Variants in ATAD1 observed in about 807,000 individuals in gnomAD.
ATAD1 encodes the protein outer mitochondrial transmembrane helix translocase.
In ATAD1, 18 loss-of-function variants were observed where a neutral mutation model predicts 42.7. That is an observed-to-expected ratio of 0.42 (90% CI 0.29 to 0.63). The LOEUF is 0.63. ATAD1 is among the 20% of genes least tolerant of loss of function. The pLI, the probability that ATAD1 is intolerant of heterozygous loss-of-function variation, is 0.19. For missense variants in ATAD1, 294 were observed against 440.4 expected, an observed-to-expected ratio of 0.67 and a Z score of 2.98; for synonymous variants, 132 against 143.1, an observed-to-expected ratio of 0.92 and a Z score of 0.55.
In ATAD1 at chr10:87,753,267, C is replaced by A. The variant is rs1854088166; in HGVS notation, c.*1420G>T. The stretch of plus-strand genomic sequence containing the variant: ...CTTGCTTTTTGTTATCCATTGTTCA[C>A]CTGAAACTTCCACCCCACCATTCAA... On this transcript the variant is annotated 3_prime_UTR_variant, in exon 10 of 10. Coordinates refer to ENST00000680024, the MANE Select transcript of ATAD1 (RefSeq NM_001321967.2). The A allele has an allele frequency of 1.3e-5, 2 of 152,078 alleles. No homozygotes were observed. The highest frequency in any genetic ancestry group is 1.3e-4 in the Admixed American group (2 of 15,260). 9.4% of individuals were successfully genotyped at this position (152,078 alleles called of 1,614,324 possible). A position where few individuals can be genotyped will look rare whatever the true frequency, so the allele number is the denominator to read the frequency against.
rs1033781350 is a variant in ATAD1 at position 87,798,621 on chromosome 10, AGG to A, written c.163-5868_163-5867del. On this transcript the variant is annotated intron_variant, in intron 2 of 9. Transcript: ENST00000680024. Reference sequence around the variant, plus strand: ...GCTAAAGTTCCAAAGTAAAAGCTATAGGGGGTGTGTGTGTGTGTGTGTGTGTG... The same window carrying A: ...GCTAAAGTTCCAAAGTAAAAGCTATAGGGTGTGTGTGTGTGTGTGTGTGTG... Among the ~76,000 whole-genome samples, 17 of 80,026 alleles carry A rather than the reference AGG, an allele frequency of 2.1e-4. No individual in the cohort carries two copies. In the East Asian group the frequency reaches 2.3e-3, roughly 11 times the overall value. 52.5% of individuals were successfully genotyped at this position (80,026 alleles called of 152,430 possible). A position where few individuals can be genotyped will look rare whatever the true frequency, so the allele number is the denominator to read the frequency against.
intron 5 of ATAD1, among the ~76,000 whole-genome samples, chr10:87,782,139 G>C (rs1394456930): frequency 2.0e-5 from 3 of 152,142 alleles, no homozygotes; most frequent in African/African-American, 7.2e-5. Context: ...AGCAACTAGA[G>C]AGAAAGGATA....
At chr10:87,828,631 C>T (rs185544585) in intron 1 of ATAD1, among the ~76,000 whole-genome samples, 1 of 152,354 alleles carries the variant, frequency 6.6e-6, no homozygotes, top group East Asian at 1.9e-4. Flanking sequence ...CTACACTAAA[C>T]ACAGATTTTC....
In ATAD1 at chr10:87,825,673, T is replaced by G. The variant is rs116289925; in HGVS notation, c.-13-11061A>C. ...AGCGTCAGAGCTGTTATTCTACATA[T>G]AAAATTTAATTCATTTGAGCACAAC... On this transcript the variant is annotated intron_variant, in intron 1 of 4. Transcript: ENST00000495903. 4.8e-3 allele frequency among the ~76,000 whole-genome samples: 735 copies of G among 151,732 alleles called. 8 individuals carry two copies. The highest frequency in any genetic ancestry group is 0.016 in the African/African-American group (655 of 41,304).
intron 8 of ATAD1, among the ~76,000 whole-genome samples, chr10:87,764,557 T>TA (rs980478808): frequency 6.6e-6 from 1 of 152,192 alleles, no homozygotes; most frequent in Non-Finnish European, 1.5e-5. Flanking sequence ...ATCATCTATC[T>TA]AAATTCCAAA....
chr10:87,767,122 G>A (rs1486486241), intron 8 of ATAD1, among the ~76,000 whole-genome samples: 1 of 152,118 alleles, frequency 6.6e-6, no homozygotes, highest in Non-Finnish European at 1.5e-5. Flanking sequence ...AAATATCAGA[G>A]CATTTTAATG....
At chr10:87,775,517 A>T (rs1028367562) in intron 6 of ATAD1, among the ~76,000 whole-genome samples, 5 of 67,752 alleles carry the variant, frequency 7.4e-5, no homozygotes, top group Non-Finnish European at 1.3e-4. Context: ...GATTCATTAA[A>T]AAAAAAAAAA....
chr10:87,830,330 T>C (rs1377043866), intron 1 of ATAD1, among the ~76,000 whole-genome samples: 2 of 152,250 alleles, frequency 1.3e-5, no homozygotes, highest in Non-Finnish European at 2.9e-5. Flanking sequence ...TTCTGCTTTA[T>C]GACCAACTTT....
rs1355577869 is a variant in ATAD1, at chr10:87,784,414, TC to T, written c.583+55del. The T allele has an allele frequency of 3.3e-6, 5 of 1,524,848 alleles. No homozygotes were observed. In the African/African-American group the frequency reaches 6.9e-5, roughly 21 times the overall value. The allele number at this position is 1,524,848 out of a possible 1,614,324, so 94.5% of individuals were successfully genotyped here. ...AAATGTTAAAAACTAAATCTGGTTA[TC>T]TAAATATCTCTAAAAATGGCCTTTA... On this transcript the variant is annotated intron_variant, in intron 5 of 9. Coordinates refer to ENST00000680024, the MANE Select transcript of ATAD1 (RefSeq NM_001321967.2).
chr10:87,825,648 A>G (rs1260029644), intron 1 of ATAD1, among the ~76,000 whole-genome samples: 2 of 151,236 alleles, frequency 1.3e-5, no homozygotes, highest in Non-Finnish European at 2.9e-5. Flanking sequence ...GGACAACCAC[A>G]GCGTCAGAGC....
rs564202859 is a variant in ATAD1 at position 87,784,464 on chromosome 10, G to T, written c.583+6C>A. 5 of 1,611,566 alleles carry T rather than the reference G, an allele frequency of 3.1e-6. No individual in the cohort carries two copies. The highest frequency in any genetic ancestry group is 2.2e-5 in the South Asian group (2 of 90,762). On this transcript the variant is annotated splice_donor_region_variant and intron_variant, in intron 5 of 9. Coordinates refer to ENST00000680024, the MANE Select transcript of ATAD1 (RefSeq NM_001321967.2). ...TAAAAATACTCATATAGAAAACATA[G>T]CATACCTATTTCATCTATAAAGATG...
chr10:87,779,790 T>C (rs556201868), intron 5 of ATAD1, among the ~76,000 whole-genome samples: 20 of 152,310 alleles, frequency 1.3e-4, no homozygotes, highest in African/African-American at 4.8e-4. Context: ...ATATATCTAT[T>C]ACAATAGCTA....
At chr10:87,757,290 A>AC (rs548981693) in intron 8 of ATAD1, among the ~76,000 whole-genome samples, 3,059 of 151,344 alleles carry the variant, frequency 0.02, 76 homozygotes, top group Non-Finnish European at 0.03. Flanking sequence ...AAAAAAAACA[A>AC]AACACTCAAC....
At chr10:87,789,688 T>C (rs1329189944) in intron 4 of ATAD1, among the ~76,000 whole-genome samples, 1 of 151,854 alleles carries the variant, frequency 6.6e-6, no homozygotes, top group Admixed American at 6.6e-5. Context: ...TGCCACTGCA[T>C]TTCAACTTGG....
At chr10:87,841,004 A>G (rs1396321984) in intron 1 of ATAD1, among the ~76,000 whole-genome samples, 2 of 152,182 alleles carry the variant, frequency 1.3e-5, no homozygotes, top group Non-Finnish European at 2.9e-5. Context: ...ATACGTAAAA[A>G]AACTGCTAGC....
chr10:87,833,717 TC>T, intron 1 of ATAD1, among the ~76,000 whole-genome samples: 1 of 145,776 alleles, frequency 6.9e-6, no homozygotes, highest in Admixed American at 7.5e-5. Flanking sequence ...TCTCTCTCTT[TC>T]TTTCTTTCCT....
intron 1 of ATAD1, among the ~76,000 whole-genome samples, chr10:87,836,590 C>G (rs1413546799): frequency 6.6e-6 from 1 of 152,010 alleles, no homozygotes; most frequent in African/African-American, 2.4e-5. Flanking sequence ...TCATTTTTTT[C>G]TACCAGTTTT....
rs751265064 is a variant in ATAD1 at position 87,784,573 on chromosome 10, C to T, written c.480G>A (p.Ser160=). The change falls in exon 5 of 10, where the codon TCG becomes TCA. Residue 160 remains serine, a synonymous_variant. Transcript: ENST00000680024. ...AGCRFINLQP[S]TLTDKWYGES... is the part of the protein sequence containing the mutation. The stretch of plus-strand genomic sequence containing the variant: ...CTCCATACCACTTATCGGTCAGTGT[C>T]GAAGGCTGAAGGTTAATAAATCGAC... The T allele has an allele frequency of 5.7e-5, 92 of 1,613,492 alleles. No homozygotes were observed. The highest frequency in any genetic ancestry group is 7.3e-5 in the Non-Finnish European group (86 of 1,179,916).
intron 5 of ATAD1, 97 bp from the exon 6 acceptor site, chr10:87,776,524 A>T: frequency 1.1e-6 from 1 of 920,466 alleles, no homozygotes; most frequent in Non-Finnish European, 1.7e-6. Flanking sequence ...GCTGGGGTGC[A>T]ATGGCGCAAT....
Sources: allele counts gnomAD v4.1 joint callset (sites outside exome capture counted in the v4.1 genomes callset), GRCh38; gene constraint gnomAD v4.1.1; transcripts MANE v1.5; gene names NCBI Gene and HGNC (gene_info 2026-07-23, HGNC 2026-07-21).